RASAL2: variants seen among roughly 807,000 people sequenced by gnomAD.
RASAL2 encodes the protein ras GTPase-activating protein nGAP.
In RASAL2, 58 loss-of-function variants were observed where a neutral mutation model predicts 128.9. The ratio of observed to expected loss-of-function variants is 0.45; its 90% CI spans 0.36 to 0.56. The LOEUF (loss-of-function observed/expected upper bound fraction) is 0.56. RASAL2 is among the 20% of genes least tolerant of loss of function. The pLI, the probability that RASAL2 is intolerant of heterozygous loss-of-function variation, is 0.00. For synonymous variants in RASAL2, 561 were observed against 580.8 expected (o/e 0.97, Z 0.49); for missense variants, 1,360 against 1,601.6 (o/e 0.85, Z 2.57).
chr1:178,344,146 G>T (rs989802511), intron 3 of RASAL2, among the ~76,000 whole-genome samples: 6 of 151,978 alleles, frequency 3.9e-5, no homozygotes, highest in African/African-American at 9.7e-5. Context: ...TTTTTCCCAT[G>T]AACAATCTAT....
At chr1:178,385,810 C>T (rs946943304) in intron 3 of RASAL2, among the ~76,000 whole-genome samples, 1 of 152,140 alleles carries the variant, frequency 6.6e-6, no homozygotes, top group Non-Finnish European at 1.5e-5. Flanking sequence ...TGCGGTTTAC[C>T]TTAGAAGCTT....
intron 3 of RASAL2, among the ~76,000 whole-genome samples, chr1:178,367,524 T>C (rs1671466675): frequency 6.6e-6 from 1 of 152,196 alleles, no homozygotes; most frequent in African/African-American, 2.4e-5. Context: ...AGAGATTTTG[T>C]TGCTTTTGTT....
intron 3 of RASAL2, among the ~76,000 whole-genome samples, chr1:178,371,363 C>T (rs1671707378): frequency 6.7e-6 from 1 of 150,118 alleles, no homozygotes; most frequent in Non-Finnish European, 1.5e-5. Flanking sequence ...AATACACACA[C>T]ACACACACAC....
chr1:178,285,206 C>T (rs891787037), intron 2 of RASAL2, among the ~76,000 whole-genome samples: 8 of 149,566 alleles, frequency 5.3e-5, no homozygotes, highest in Non-Finnish European at 1.0e-4. Flanking sequence ...CTGCAAGCTC[C>T]GCTTCCCGGG....
chr1:178,445,752 G>T lies in RASAL2; in HGVS notation c.1627+90G>T, dbSNP rs1572088859. On this transcript the variant is annotated intron_variant, in intron 9 of 17. Coordinates refer to ENST00000367649, the MANE Select transcript of RASAL2 (RefSeq NM_170692.4). The stretch of plus-strand genomic sequence containing the variant: ...ATGAGACGAATTGAGCTCAAATTCT[G>T]CATGTTATTTAGTTCTAGCTGACTC... The T allele has an allele frequency of 2.2e-6, 3 of 1,355,946 alleles. No homozygotes were observed. In the East Asian group the frequency reaches 7.6e-5, roughly 34 times the overall value. 84.0% of individuals were successfully genotyped at this position (1,355,946 alleles called of 1,614,324 possible).
At chr1:178,167,082 A>G (rs566579443) in intron 1 of RASAL2, among the ~76,000 whole-genome samples, 6 of 152,156 alleles carry the variant, frequency 3.9e-5, no homozygotes, top group African/African-American at 1.4e-4. Context: ...TAAATCCAAT[A>G]AGACTTTCCT....
At chr1:178,332,552 C>T (rs527978932) in intron 3 of RASAL2, among the ~76,000 whole-genome samples, 1 of 152,020 alleles carries the variant, frequency 6.6e-6, no homozygotes, top group Non-Finnish European at 1.5e-5. Flanking sequence ...TGACACTTTG[C>T]CAGTCAGATG....
At chr1:178,443,599 T>A (rs1676812543) in intron 8 of RASAL2, among the ~76,000 whole-genome samples, 1 of 152,174 alleles carries the variant, frequency 6.6e-6, no homozygotes, top group African/African-American at 2.4e-5. Flanking sequence ...GTATTTTATT[T>A]AAGTTTAACT....
At chr1:178,200,900 A>G (rs1320085009) in intron 1 of RASAL2, among the ~76,000 whole-genome samples, 3 of 152,014 alleles carry the variant, frequency 2.0e-5, no homozygotes, top group Non-Finnish European at 4.4e-5. Context: ...CCTTTGTTTG[A>G]GGAGATATGC....
chr1:178,328,853 T>C (rs115788438), intron 3 of RASAL2, among the ~76,000 whole-genome samples: 1 of 152,140 alleles, frequency 6.6e-6, no homozygotes, highest in African/African-American at 2.4e-5. Flanking sequence ...ACCAGTAGGG[T>C]ATTTCGGGTT....
intron 3 of RASAL2, among the ~76,000 whole-genome samples, chr1:178,329,269 A>G (rs1669180541): frequency 6.6e-6 from 1 of 152,202 alleles, no homozygotes; most frequent in African/African-American, 2.4e-5. Flanking sequence ...TTACTTTTAT[A>G]TGAGATCATC....
rs1572144279 is a variant in RASAL2 at position 178,473,385 on chromosome 1, G to A, written c.*146G>A. ...ACTCCTGAATGAAGAAAGGAACCTT[G>A]TCTTTCAGGGCATAAGGCGGCGACT... On this transcript the variant is annotated 3_prime_UTR_variant, in exon 18 of 18. Coordinates refer to ENST00000367649, the MANE Select transcript of RASAL2 (RefSeq NM_170692.4). 1 of 1,029,464 alleles carries A rather than the reference G, an allele frequency of 9.7e-7. No homozygotes were observed. The allele number at this position is 1,029,464 out of a possible 1,614,324, so 63.8% of individuals were successfully genotyped here.
Position 178,458,225 on chromosome 1 carries a change from G to T in RASAL2, c.2933G>T (p.Arg978Leu), listed in dbSNP as rs779322738. 1.2e-6 allele frequency: 2 copies of T among 1,614,198 alleles called. No individual in the cohort carries two copies. Among genetic ancestry groups the T allele is most frequent in the Non-Finnish European group, 1.7e-6 (2 of 1,180,046 alleles). The change falls in exon 14 of 18, where the codon CGT becomes CTT. Residue 978 changes from arginine (R) to leucine (L), a missense_variant. Physicochemically the swap from Arg to Leu is moderately radical, Grantham distance 102. Transcript: ENST00000367649. ...SNSSMEDFTK[R>L]STQSEDFSRR... ...AGCAGCATGGAAGATTTCACTAAACGTAGCACTCAGAGTGAGGACTTCTCC... is the reference window on the plus strand; with the variant it reads ...AGCAGCATGGAAGATTTCACTAAACTTAGCACTCAGAGTGAGGACTTCTCC...
chr1:178,189,322 A>G (rs1298663432), intron 1 of RASAL2, among the ~76,000 whole-genome samples: 1 of 152,166 alleles, frequency 6.6e-6, no homozygotes, highest in Non-Finnish European at 1.5e-5. Context: ...CCATTTGTAA[A>G]TAGGGTTGTA....
At chr1:178,385,193 C>CTGTAA (rs563100812) in intron 3 of RASAL2, among the ~76,000 whole-genome samples, 192 of 152,290 alleles carry the variant, frequency 1.3e-3, no homozygotes, top group African/African-American at 4.4e-3. Context: ...TGGCTCAAGC[C>CTGTAA]TGTAACCCTA....
intron 3 of RASAL2, among the ~76,000 whole-genome samples, chr1:178,310,169 G>T (rs1557892717): frequency 1.3e-5 from 2 of 152,160 alleles, no homozygotes; most frequent in African/African-American, 4.8e-5. Flanking sequence ...ACTACTGGAT[G>T]ATAATAGCAT....
chr1:178,267,133 C>CA (rs1665994164), intron 1 of RASAL2, among the ~76,000 whole-genome samples: 2 of 152,198 alleles, frequency 1.3e-5, no homozygotes, highest in South Asian at 4.1e-4. Flanking sequence ...ACATTTTTGT[C>CA]AGTCTATCCA....
intron 1 of RASAL2, among the ~76,000 whole-genome samples, chr1:178,219,886 A>T (rs1013116148): frequency 6.6e-6 from 1 of 151,922 alleles, no homozygotes. Context: ...GTGACCTCCA[A>T]TGTTGGAGGT....
chr1:178,389,536 A>G (rs1165755421), intron 3 of RASAL2, among the ~76,000 whole-genome samples: 2 of 152,322 alleles, frequency 1.3e-5, no homozygotes, highest in Admixed American at 1.3e-4. Context: ...TATTGCCAGA[A>G]CAAGGAGAAG....
Sources: allele counts gnomAD v4.1 joint callset (sites outside exome capture counted in the v4.1 genomes callset), GRCh38; gene constraint gnomAD v4.1.1; transcripts MANE v1.5; gene names NCBI Gene and HGNC (gene_info 2026-07-23, HGNC 2026-07-21).